Variants in PRLR observed in about 807,000 individuals in gnomAD.
PRLR encodes hPRL receptor.
PRLR carries 13 observed loss-of-function variants against 40.2 expected under a neutral mutation model. The observed-to-expected ratio is 0.32, with a 90% CI of 0.21 to 0.51. The LOEUF is 0.51. Among genes scored for constraint, PRLR ranks in the 20% least tolerant of loss-of-function variants. The pLI, the probability that PRLR is intolerant of heterozygous loss-of-function variation, is 0.97. For synonymous variants in PRLR, 269 were observed against 278.7 expected (o/e 0.97, Z 0.35); for missense variants, 656 against 747.3 (o/e 0.88, Z 1.42).
intron 1 of PRLR, among the ~76,000 whole-genome samples, chr5:35,156,781 T>G (rs1774522171): frequency 6.6e-6 from 1 of 152,144 alleles, no homozygotes; most frequent in Non-Finnish European, 1.5e-5. Context: ...GGGATCTCTC[T>G]CCTCCAAACT....
intron 1 of PRLR, among the ~76,000 whole-genome samples, chr5:35,227,448 T>G (rs1289384918): frequency 6.6e-6 from 1 of 152,186 alleles, no homozygotes; most frequent in African/African-American, 2.4e-5. Context: ...GTTTCTTTAC[T>G]GGTAAAGCTT....
chr5:35,189,575 CG>C (rs1404614410), intron 1 of PRLR, among the ~76,000 whole-genome samples: 3 of 43,470 alleles, frequency 6.9e-5, no homozygotes, highest in African/African-American at 4.6e-4. Flanking sequence ...AGAGAAACTC[CG>C]TTTAAAAAAA....
At chr5:35,178,546 C>T (rs1447237310) in intron 1 of PRLR, among the ~76,000 whole-genome samples, 2 of 152,176 alleles carry the variant, frequency 1.3e-5, no homozygotes, top group Non-Finnish European at 2.9e-5. Context: ...AGTTATTACA[C>T]TGTCTGCCAT....
chr5:35,066,904 C>T (rs1195192364), intron 9 of PRLR, among the ~76,000 whole-genome samples: 2 of 151,872 alleles, frequency 1.3e-5, no homozygotes, highest in African/African-American at 4.8e-5. Context: ...GCTGGGACAA[C>T]AGGCGCCCAC....
intron 1 of PRLR, among the ~76,000 whole-genome samples, chr5:35,184,348 T>C (rs538819661): frequency 6.6e-6 from 1 of 152,106 alleles, no homozygotes; most frequent in East Asian, 1.9e-4. Flanking sequence ...ACCCCATTTC[T>C]ACTAAAATAC....
chr5:35,110,451 T>G lies in PRLR; in HGVS notation c.-44+7610A>C, dbSNP rs141389373. Among the ~76,000 whole-genome samples, 33 of 152,300 alleles carry G rather than the reference T, an allele frequency of 2.2e-4. No individual in the cohort carries two copies. The East Asian group carries it at 5.4e-3, about 25-fold the overall frequency. On this transcript the variant is annotated intron_variant, in intron 2 of 9. Transcript: ENST00000618457. Reference sequence around the variant, plus strand: ...CATAGCAGACACTTGGCAAAATTCCTTATTAAGCATCTTTGTATTTGCCCT... The same window carrying G: ...CATAGCAGACACTTGGCAAAATTCCGTATTAAGCATCTTTGTATTTGCCCT...
intron 5 of PRLR, 112 bp from the exon 6 acceptor site, chr5:35,072,856 G>T: frequency 7.9e-7 from 1 of 1,262,064 alleles, no homozygotes; most frequent in Non-Finnish European, 1.1e-6. Context: ...TCTTCCCACT[G>T]TACTATAAGC....
At chr5:35,228,703 A>G (rs1458327067) in intron 1 of PRLR, among the ~76,000 whole-genome samples, 2 of 152,166 alleles carry the variant, frequency 1.3e-5, no homozygotes, top group Admixed American at 1.3e-4. Flanking sequence ...CTGGAGTCAG[A>G]GGCTGGTAGA....
At chr5:35,225,280 C>T (rs911921793) in intron 1 of PRLR, among the ~76,000 whole-genome samples, 1 of 152,158 alleles carries the variant, frequency 6.6e-6, no homozygotes, top group African/African-American at 2.4e-5. Context: ...TCTATTTTAT[C>T]AGATCCCAAA....
At chr5:35,218,326 A>G (rs937161340) in intron 1 of PRLR, among the ~76,000 whole-genome samples, 1 of 152,206 alleles carries the variant, frequency 6.6e-6, no homozygotes, top group Non-Finnish European at 1.5e-5. Context: ...AACACTTCCA[A>G]TGAACGCATG....
intron 1 of PRLR, among the ~76,000 whole-genome samples, chr5:35,143,277 G>T (rs1185384047): frequency 1.3e-5 from 2 of 152,128 alleles, no homozygotes; most frequent in Non-Finnish European, 2.9e-5. Context: ...AATATGTATG[G>T]CTGTGTTTCA....
At chr5:35,203,034 C>A (rs547956795) in intron 1 of PRLR, among the ~76,000 whole-genome samples, 11 of 152,268 alleles carry the variant, frequency 7.2e-5, no homozygotes, top group South Asian at 2.1e-4. Flanking sequence ...TCCCTGAAGA[C>A]TTCTCATAGT....
intron 1 of PRLR, among the ~76,000 whole-genome samples, chr5:35,125,954 G>A (rs1406087854): frequency 2.6e-5 from 4 of 152,156 alleles, no homozygotes; most frequent in African/African-American, 9.7e-5. Context: ...CACAGCAAAT[G>A]ACCCTTACGA....
chr5:35,144,978 T>G (rs1174459190), intron 1 of PRLR, among the ~76,000 whole-genome samples: 1 of 152,196 alleles, frequency 6.6e-6, no homozygotes, highest in East Asian at 1.9e-4. Context: ...AATTACCATA[T>G]GCATATTATT....
chr5:35,049,290 C>T (rs1768392615), exon 9 of PRLR: 2 of 703,284 alleles, frequency 2.8e-6, no homozygotes, highest in Non-Finnish European at 5.2e-6. Context: ...TTCAGCTCTA[C>T]TGGACTGTGG....
Position 35,065,841 on chromosome 5 carries a change from T to C in PRLR, c.1117A>G (p.Thr373Ala). Residue 373 changes from threonine to alanine, a missense_variant, in exon 10 of 10, where the codon ACA becomes GCA. This residue lies in a region of PRLR where 469 missense variants were observed against 491.5 expected (regional missense o/e 0.95). Transcript: ENST00000618457. Reference sequence around the variant, plus strand: ...TCAATGACCTCAGGATCATAGAATGTGGAGGGATTGGCCTGGGGTTCCTCA... The same window carrying C: ...TCAATGACCTCAGGATCATAGAATGCGGAGGGATTGGCCTGGGGTTCCTCA... ...KCEEPQANPS[T>A]FYDPEVIEKP... 1 of 1,614,090 alleles carries C rather than the reference T, an allele frequency of 6.2e-7. No homozygotes were observed. The highest frequency in any genetic ancestry group is 8.5e-7 in the Non-Finnish European group (1 of 1,180,002).
At chr5:35,066,416 C>G (rs1332978737) in intron 9 of PRLR, among the ~76,000 whole-genome samples, 1 of 152,150 alleles carries the variant, frequency 6.6e-6, no homozygotes, top group African/African-American at 2.4e-5. Flanking sequence ...ACTTCTAAAC[C>G]CACAGTGCTT....
intron 4 of PRLR, among the ~76,000 whole-genome samples, chr5:35,086,006 T>C (rs934958226): frequency 6.6e-6 from 1 of 151,964 alleles, no homozygotes. Flanking sequence ...CTATGGCTGG[T>C]AACCTTATGT....
intron 1 of PRLR, among the ~76,000 whole-genome samples, chr5:35,196,894 T>C (rs1775750929): frequency 2.0e-5 from 3 of 152,182 alleles, no homozygotes; most frequent in Non-Finnish European, 4.4e-5. Flanking sequence ...TTAGGGCTCT[T>C]TTCTGGACTG....
Sources: gnomAD v4.1 joint callset for allele counts (sites outside exome capture counted in the v4.1 genomes callset) on GRCh38, gnomAD v4.1.1 for gene constraint, gnomAD v4.1.1 regional missense constraint, MANE v1.5 for transcripts, NCBI Gene and HGNC (gene_info 2026-07-23, HGNC 2026-07-21) for gene names.